Variants in NUBPL observed in about 807,000 individuals in gnomAD.
NUBPL encodes iron-sulfur cluster transfer protein NUBPL.
In NUBPL, 31 loss-of-function variants were observed where a neutral mutation model predicts 45.7. That is an observed-to-expected ratio of 0.68 (90% CI 0.51 to 0.92). The LOEUF is 0.92. Among genes scored for constraint, NUBPL ranks in the 40% least tolerant of loss-of-function variants. The pLI is 0.00. For synonymous variants in NUBPL, 144 were observed against 140.9 expected, an observed-to-expected ratio of 1.02 and a Z score of -0.15; for missense variants, 401 against 398.7, an observed-to-expected ratio of 1.01 and a Z score of -0.05.
At chr14:31,790,076 C>T (rs1456855003) in intron 7 of NUBPL, among the ~76,000 whole-genome samples, 1 of 152,096 alleles carries the variant, frequency 6.6e-6, no homozygotes, top group East Asian at 1.9e-4. Flanking sequence ...ATAGATAATA[C>T]ATTAGTAAAA....
intron 3 of NUBPL, among the ~76,000 whole-genome samples, chr14:31,576,177 C>G (rs150493248): frequency 6.6e-6 from 1 of 152,088 alleles, no homozygotes; most frequent in East Asian, 1.9e-4. Context: ...ATTCATTTAC[C>G]AAATGTTTGC....
At chr14:31,684,897 G>A (rs1419553196) in intron 6 of NUBPL, among the ~76,000 whole-genome samples, 1 of 151,902 alleles carries the variant, frequency 6.6e-6, no homozygotes, top group Non-Finnish European at 1.5e-5. Context: ...AATGAATTGA[G>A]GACTTCTCTT....
intron 7 of NUBPL, among the ~76,000 whole-genome samples, chr14:31,811,268 A>T (rs565645394): frequency 2.8e-4 from 43 of 152,080 alleles, no homozygotes; most frequent in African/African-American, 9.6e-4. Flanking sequence ...TTACATGTAG[A>T]CTTGGTCTGT....
chr14:31,748,006 G>A (rs1036277350), intron 6 of NUBPL, among the ~76,000 whole-genome samples: 1 of 151,890 alleles, frequency 6.6e-6, no homozygotes, highest in South Asian at 2.1e-4. Context: ...GTATTTTTTT[G>A]TATTTGTTTC....
Position 31,831,974 on chromosome 14 carries a change from C to G in NUBPL, c.693+5260C>G, listed in dbSNP as rs1392082333. On this transcript the variant is annotated intron_variant, in intron 8 of 10. Transcript: ENST00000281081. ...AGTTATTCATGCTGCAGATTGTGACCCACCAACAGATCGTGAAATTGATAC... is the reference window on the plus strand; with the variant it reads ...AGTTATTCATGCTGCAGATTGTGACGCACCAACAGATCGTGAAATTGATAC... Among the ~76,000 whole-genome samples, 3 of 151,978 alleles carry G rather than the reference C, an allele frequency of 2.0e-5. No individual in the cohort carries two copies. The East Asian group carries it at 5.8e-4, about 29-fold the overall frequency.
At chr14:31,615,418 T>C (rs2034872598) in intron 4 of NUBPL, among the ~76,000 whole-genome samples, 1 of 152,104 alleles carries the variant, frequency 6.6e-6, no homozygotes, top group Non-Finnish European at 1.5e-5. Flanking sequence ...CTACATTAGG[T>C]ATTTCTCCTA....
intron 7 of NUBPL, among the ~76,000 whole-genome samples, chr14:31,803,733 A>G (rs1349596871): frequency 6.6e-6 from 1 of 152,232 alleles, no homozygotes; most frequent in Non-Finnish European, 1.5e-5. Context: ...TTCTTTCTGA[A>G]ATAAATTGGT....
intron 6 of NUBPL, among the ~76,000 whole-genome samples, chr14:31,713,773 CT>C (rs1340244561): frequency 1.3e-5 from 2 of 152,330 alleles, no homozygotes; most frequent in East Asian, 3.9e-4. Flanking sequence ...CTGAAGACCT[CT>C]GTCCTTCTAC....
At chr14:31,789,481 T>C (rs1367508039) in intron 7 of NUBPL, among the ~76,000 whole-genome samples, 1 of 152,138 alleles carries the variant, frequency 6.6e-6, no homozygotes, top group Non-Finnish European at 1.5e-5. Flanking sequence ...TTCAATATGG[T>C]AATGCATATC....
chr14:31,642,828 C>G lies in NUBPL; in HGVS notation c.383-30527C>G, dbSNP rs894778144. Among the ~76,000 whole-genome samples the G allele has an allele frequency of 3.3e-5, 5 of 152,052 alleles. No homozygotes were observed. The South Asian group carries it at 8.3e-4, about 25-fold the overall frequency. ...TTTGTAAAAATGTCCTCTTCAGTTT[C>G]TTTCATCAGTGTTTTATGGTTTTCC... On this transcript the variant is annotated intron_variant, in intron 4 of 10. Coordinates refer to ENST00000281081, the MANE Select transcript of NUBPL (RefSeq NM_025152.3).
chr14:31,800,825 C>T (rs1421877799), intron 7 of NUBPL: 1 of 152,070 alleles, frequency 6.6e-6, no homozygotes, highest in South Asian at 2.1e-4. Flanking sequence ...CATGTTTTCT[C>T]TTTTTAAGGA....
At chr14:31,632,953 A>G (rs1344038206) in intron 4 of NUBPL, among the ~76,000 whole-genome samples, 1 of 152,232 alleles carries the variant, frequency 6.6e-6, no homozygotes, top group Admixed American at 6.5e-5. Flanking sequence ...CTACTTTTAA[A>G]TTATTAATAG....
chr14:31,688,407 C>G (rs1234416070), intron 6 of NUBPL, among the ~76,000 whole-genome samples: 1 of 151,708 alleles, frequency 6.6e-6, no homozygotes, highest in African/African-American at 2.4e-5. Flanking sequence ...AAAACCCCGT[C>G]TCTACTAAAA....
chr14:31,850,026 C>T (rs944518485), intron 9 of NUBPL, 93 bp from the exon 10 acceptor site: 8 of 898,736 alleles, frequency 8.9e-6, no homozygotes, highest in South Asian at 2.8e-5. Flanking sequence ...AATTTAGTTC[C>T]GATTTTGTTT....
chr14:31,744,550 G>C (rs571675474), intron 6 of NUBPL, among the ~76,000 whole-genome samples: 27 of 147,986 alleles, frequency 1.8e-4, no homozygotes, highest in African/African-American at 6.4e-4. Context: ...AGATTATTTT[G>C]TAACTGTATA....
intron 8 of NUBPL, chr14:31,844,927 G>A (rs1295654436): frequency 6.6e-6 from 1 of 152,156 alleles, no homozygotes; most frequent in Non-Finnish European, 1.5e-5. Flanking sequence ...TATTTGCAGA[G>A]CCTATCTATT....
At chr14:31,597,901 T>C (rs1418160338) in intron 3 of NUBPL, among the ~76,000 whole-genome samples, 1 of 151,898 alleles carries the variant, frequency 6.6e-6, no homozygotes, top group Non-Finnish European at 1.5e-5. Context: ...TTGTTATCCA[T>C]AGTAAATTTA....
At chr14:31,730,974 C>T (rs2038036956) in intron 6 of NUBPL, among the ~76,000 whole-genome samples, 1 of 151,966 alleles carries the variant, frequency 6.6e-6, no homozygotes, top group South Asian at 2.1e-4. Flanking sequence ...GTAGATACAA[C>T]AGACGATAGA....
intron 6 of NUBPL, among the ~76,000 whole-genome samples, chr14:31,752,250 A>T (rs2038548276): frequency 6.6e-6 from 1 of 152,120 alleles, no homozygotes; most frequent in Non-Finnish European, 1.5e-5. Flanking sequence ...TCAAACTGCA[A>T]ATTTTCTAAA....
Sources: allele counts gnomAD v4.1 joint callset (sites outside exome capture counted in the v4.1 genomes callset), GRCh38; gene constraint gnomAD v4.1.1; transcripts MANE v1.5; gene names NCBI Gene and HGNC (gene_info 2026-07-23, HGNC 2026-07-21).